Variants in NOL4L observed in about 807,000 individuals in gnomAD.
NOL4L encodes the protein nucleolar protein 4 like, also known as nucleolar protein 4-like.
A neutral mutation model predicts 64.5 loss-of-function variants in NOL4L; 7 were observed. The ratio of observed to expected loss-of-function variants is 0.11; its 90% CI spans 0.06 to 0.20. The LOEUF (loss-of-function observed/expected upper bound fraction) is 0.20. NOL4L is among the 10% of genes least tolerant of loss of function. NOL4L has a pLI of 1.00. For missense variants in NOL4L, 680 were observed against 967.1 expected, an observed-to-expected ratio of 0.70 and a Z score of 3.94; for synonymous variants, 413 against 401.0, an observed-to-expected ratio of 1.03 and a Z score of -0.36.
Position 32,464,251 on chromosome 20 carries a change from C to A in NOL4L, c.842-7856G>T, listed in dbSNP as rs953438923. On this transcript the variant is annotated intron_variant, in intron 5 of 10. Transcript: ENST00000621426. This position sits in a 1 kb window ranked among gnomAD's most constrained non-coding sequence, Gnocchi z 5.6. ...GCGCCCAGGCTGTGTTTACACGATGCGTAGTTCCAAGGAGCACCAGGCTCA... is the reference window on the plus strand; with the variant it reads ...GCGCCCAGGCTGTGTTTACACGATGAGTAGTTCCAAGGAGCACCAGGCTCA... Among the ~76,000 whole-genome samples the A allele has an allele frequency of 6.6e-6, 1 of 152,190 alleles. No individual in the cohort carries two copies.
intron 1 of NOL4L, among the ~76,000 whole-genome samples, chr20:32,547,918 C>A (rs1353084464): frequency 6.6e-6 from 1 of 152,082 alleles, no homozygotes; most frequent in Non-Finnish European, 1.5e-5. Context: ...GTCCCCTCTG[C>A]CCACAACTGG....
intron 5 of NOL4L, among the ~76,000 whole-genome samples, chr20:32,459,910 C>A (rs1230271057): frequency 6.6e-6 from 1 of 152,138 alleles, no homozygotes; most frequent in African/African-American, 2.4e-5. Flanking sequence ...GGAATAGTAT[C>A]CAGCCATGAA....
At chr20:32,476,097 C>T (rs189939216) in intron 4 of NOL4L, among the ~76,000 whole-genome samples, 20 of 152,134 alleles carry the variant, frequency 1.3e-4, no homozygotes, top group Admixed American at 8.5e-4. Flanking sequence ...CACAGGCACA[C>T]GCACTCACTC....
At chr20:32,483,514 C>T (rs1474711817) in intron 4 of NOL4L, 1 of 984,910 alleles carries the variant, frequency 1.0e-6, no homozygotes, top group South Asian at 4.6e-5. Flanking sequence ...CGCGTCACTG[C>T]CCGGCCCGGG....
chr20:32,493,264 C>CA (rs1214888223), intron 4 of NOL4L, among the ~76,000 whole-genome samples: 1 of 152,156 alleles, frequency 6.6e-6, no homozygotes, highest in Non-Finnish European at 1.5e-5. Flanking sequence ...GGGAAACGGG[C>CA]AGGTTACCAA....
At chr20:32,563,687 C>T (rs1467028698) in intron 1 of NOL4L, among the ~76,000 whole-genome samples, 2 of 152,110 alleles carry the variant, frequency 1.3e-5, no homozygotes, top group Non-Finnish European at 2.9e-5. Context: ...CTCCAAAACC[C>T]ACATAATCCT....
chr20:32,479,093 C>G (rs2145491149), intron 4 of NOL4L, among the ~76,000 whole-genome samples: 1 of 152,364 alleles, frequency 6.6e-6, no homozygotes, highest in South Asian at 2.1e-4. Flanking sequence ...GCCCCCCTAG[C>G]CGCAGATGGG....
intron 1 of NOL4L, among the ~76,000 whole-genome samples, chr20:32,583,457 G>A (rs539042575): frequency 2.0e-5 from 3 of 149,092 alleles, no homozygotes; most frequent in Non-Finnish European, 4.5e-5. Flanking sequence ...GAGCGCGGAG[G>A]GGGGAGCGGG....
At chr20:32,477,754 C>T (rs2015484405) in intron 4 of NOL4L, among the ~76,000 whole-genome samples, 1 of 152,236 alleles carries the variant, frequency 6.6e-6, no homozygotes, top group Non-Finnish European at 1.5e-5. Flanking sequence ...CGCTGCCAGC[C>T]ACCCCACACA....
chr20:32,461,706 G>A (rs2014082981), intron 5 of NOL4L, among the ~76,000 whole-genome samples: 1 of 151,196 alleles, frequency 6.6e-6, no homozygotes, highest in African/African-American at 2.4e-5. Flanking sequence ...ATAGGTGTGA[G>A]CCACTGCGCC....
chr20:32,527,067 C>A (rs1476792173), intron 2 of NOL4L, among the ~76,000 whole-genome samples: 1 of 152,198 alleles, frequency 6.6e-6, no homozygotes, highest in African/African-American at 2.4e-5. Context: ...CGTAGAATGC[C>A]AGTACAGGTG....
intron 1 of NOL4L, among the ~76,000 whole-genome samples, chr20:32,560,832 A>G (rs890568091): frequency 6.6e-6 from 1 of 152,266 alleles, no homozygotes; most frequent in Admixed American, 6.5e-5. Context: ...GCTCTGTCCC[A>G]CCTGCACCAG....
rs1180969916 is a variant in NOL4L, at chr20:32,452,823, T to TA, written c.1620+60dup. 4 of 1,603,102 alleles carry TA rather than the reference T, an allele frequency of 2.5e-6. No individual in the cohort carries two copies. The African/African-American group carries it at 5.3e-5, about 21-fold the overall frequency. On this transcript the variant is annotated intron_variant, in intron 9 of 10. Coordinates refer to ENST00000621426, the MANE Select transcript of NOL4L (RefSeq NM_001256798.2). ...ACAGCTCCCTCAGTCCACACCCATA[T>TA]AAGGCCTGCCCTCCCTGGCTGCCCA...
chr20:32,464,968 C>A lies in NOL4L; in HGVS notation c.842-8573G>T. 1.8e-6 allele frequency: 1 copy of A among 555,690 alleles called. No individual in the cohort carries two copies. Among genetic ancestry groups the A allele is most frequent in the Non-Finnish European group, 3.3e-6 (1 of 305,774 alleles). 34.4% of individuals were successfully genotyped at this position (555,690 alleles called of 1,614,324 possible). A position where few individuals can be genotyped will look rare whatever the true frequency, so the allele number is the denominator to read the frequency against. Reference sequence around the variant, plus strand: ...TCCAAGGCTCAGTAGCCGTCCTTGGCTAATGAATTAGACGTCACACACCTA... The same window carrying A: ...TCCAAGGCTCAGTAGCCGTCCTTGGATAATGAATTAGACGTCACACACCTA... On this transcript the variant is annotated intron_variant, in intron 5 of 10. Transcript: ENST00000621426. The surrounding 1 kb of genome is among the most constrained non-coding windows in gnomAD (Gnocchi z 5.6).
chr20:32,518,842 G>A (rs973705803), intron 3 of NOL4L, among the ~76,000 whole-genome samples: 1 of 152,212 alleles, frequency 6.6e-6, no homozygotes, highest in Non-Finnish European at 1.5e-5. Flanking sequence ...TGCTGTCTTG[G>A]CCCAGGGGTT....
chr20:32,577,944 T>C (rs1980216449), intron 1 of NOL4L, among the ~76,000 whole-genome samples: 1 of 152,108 alleles, frequency 6.6e-6, no homozygotes, highest in African/African-American at 2.4e-5. Context: ...TAACATTTCC[T>C]AAGATTTGCT....
In NOL4L at chr20:32,447,026, ACCTGT is replaced by A; in HGVS notation, c.*565_*569del. The A allele has an allele frequency of 3.0e-6, 1 of 332,198 alleles. No individual in the cohort carries two copies. 20.6% of individuals were successfully genotyped at this position (332,198 alleles called of 1,614,324 possible). On this transcript the variant is annotated 3_prime_UTR_variant, in exon 11 of 11. Transcript: ENST00000621426. ...CATGCAGAGGAACAGCCAGCCTGGC[ACCTGT>A]CCTGCCCCTACTGGCCCCAGCCCAC...
At chr20:32,454,414 AG>A (rs1410040586) in intron 6 of NOL4L, among the ~76,000 whole-genome samples, 1 of 151,102 alleles carries the variant, frequency 6.6e-6, no homozygotes, top group Non-Finnish European at 1.5e-5. Context: ...AGAAAGGGAG[AG>A]GGAACCGGAT....
At chr20:32,448,983 T>C (rs1568586840) in intron 10 of NOL4L, among the ~76,000 whole-genome samples, 1 of 152,226 alleles carries the variant, frequency 6.6e-6, no homozygotes, top group African/African-American at 2.4e-5. Context: ...TGAGGCTCCT[T>C]CTCAGCCCAC....
Sources: allele counts gnomAD v4.1 joint callset (sites outside exome capture counted in the v4.1 genomes callset), GRCh38; gene constraint gnomAD v4.1.1; non-coding constraint Gnocchi (gnomAD v3.1); transcripts MANE v1.5; gene names NCBI Gene and HGNC (gene_info 2026-07-23, HGNC 2026-07-21).